The following UBR3 variants were observed in gnomAD, a reference collection of about 807,000 sequenced individuals.
UBR3 encodes the protein ubiquitin protein ligase E3 component n-recognin 3.
UBR3 carries 85 observed loss-of-function variants against 243.2 expected under a neutral mutation model. The ratio of observed to expected loss-of-function variants is 0.35; its 90% CI spans 0.29 to 0.42. The LOEUF is 0.42. Ranked by LOEUF, UBR3 falls within the 10% of genes least tolerant of loss-of-function variation. The pLI is 1.00. For missense variants in UBR3, 1,686 were observed against 2,300.8 expected (o/e 0.73, Z 5.47); for synonymous variants, 748 against 799.8 (o/e 0.94, Z 1.09).
At chr2:169,850,171 C>CTTTT (rs56133731) in intron 1 of UBR3, among the ~76,000 whole-genome samples, 4 of 57,290 alleles carry the variant, frequency 7.0e-5, no homozygotes, top group East Asian at 6.1e-4. Context: ...TGTTCTAGAG[C>CTTTT]TTTTTTTTTT....
intron 36 of UBR3, among the ~76,000 whole-genome samples, chr2:170,074,118 A>C (rs974462952): frequency 1.3e-5 from 2 of 152,170 alleles, no homozygotes; most frequent in African/African-American, 2.4e-5. Flanking sequence ...CTAGAACTAC[A>C]GTTTTTTAAA....
intron 31 of UBR3, among the ~76,000 whole-genome samples, chr2:170,031,673 C>G (rs1358756921): frequency 6.6e-6 from 1 of 151,672 alleles, no homozygotes; most frequent in East Asian, 1.9e-4. Context: ...AACCCTTGCT[C>G]CCCTCCTTCC....
At chr2:169,853,525 A>T (rs546683881) in intron 1 of UBR3, among the ~76,000 whole-genome samples, 25 of 150,376 alleles carry the variant, frequency 1.7e-4, no homozygotes, top group African/African-American at 5.9e-4. Flanking sequence ...ATCTTGGCTC[A>T]CTGCAGCCTC....
intron 8 of UBR3, 60 bp from the exon 9 acceptor site, chr2:169,905,054 T>C (rs1316516986): frequency 4.4e-5 from 60 of 1,352,920 alleles, no homozygotes; most frequent in Admixed American, 3.0e-4. Flanking sequence ...TTCTGTATTA[T>C]TGGTTAAGCT....
chr2:169,910,557 A>G (rs1183544942), intron 10 of UBR3, among the ~76,000 whole-genome samples: 1 of 152,144 alleles, frequency 6.6e-6, no homozygotes, highest in African/African-American at 2.4e-5. Flanking sequence ...TAATCTATGA[A>G]GTAAAGATAA....
At chr2:169,971,904 A>G (rs909343946) in intron 24 of UBR3, among the ~76,000 whole-genome samples, 1 of 152,210 alleles carries the variant, frequency 6.6e-6, no homozygotes, top group African/African-American at 2.4e-5. Context: ...AAGGCAAGAA[A>G]TAACTAAAAT....
intron 30 of UBR3, among the ~76,000 whole-genome samples, chr2:170,017,370 GA>G (rs2090266037): frequency 6.6e-6 from 1 of 152,018 alleles, no homozygotes; most frequent in African/African-American, 2.4e-5. Context: ...TTAAGCAAAT[GA>G]TAAGGGAACT....
chr2:169,909,741 G>GTATATATATA (rs34263331), intron 10 of UBR3, among the ~76,000 whole-genome samples: 3 of 149,528 alleles, frequency 2.0e-5, no homozygotes, highest in Admixed American at 6.7e-5. Flanking sequence ...GTGTGTGTGT[G>GTATATATATA]TATATATATA....
intron 5 of UBR3, among the ~76,000 whole-genome samples, chr2:169,890,555 A>ATG (rs1553504487): frequency 2.8e-5 from 2 of 71,442 alleles, no homozygotes; most frequent in South Asian, 6.1e-4. Flanking sequence ...ATATATATAT[A>ATG]TATATATATG....
intron 26 of UBR3, among the ~76,000 whole-genome samples, chr2:169,997,495 C>A (rs964104188): frequency 1.3e-5 from 2 of 151,986 alleles, no homozygotes; most frequent in African/African-American, 4.8e-5. Context: ...TCTGGGCCCC[C>A]AGAAGGGTCA....
intron 25 of UBR3, 101 bp downstream of exon 25, chr2:169,986,895 CT>C: frequency 7.8e-7 from 1 of 1,279,910 alleles, no homozygotes. Flanking sequence ...TCTTTGTCTA[CT>C]TATAACTAGG....
chr2:170,073,379 A>G lies in UBR3; in HGVS notation c.5020-49A>G, dbSNP rs146484709. On this transcript the variant is annotated intron_variant, in intron 35 of 38. Coordinates refer to ENST00000272793, the MANE Select transcript of UBR3 (RefSeq NM_172070.4). ...GAGGGTGACCTTTTATGTAATAGGA[A>G]ATGTTCTTGATGAAATATTTTCAGA... 346 of 1,604,188 alleles carry G rather than the reference A, an allele frequency of 2.2e-4. No homozygotes were observed. The East Asian group carries it at 5.6e-3, about 26-fold the overall frequency.
chr2:169,996,504 G>T (rs950404425), intron 26 of UBR3, among the ~76,000 whole-genome samples: 8 of 152,088 alleles, frequency 5.3e-5, no homozygotes, highest in Admixed American at 3.9e-4. Flanking sequence ...ATTTAGGAAG[G>T]CTAGGTTAGG....
chr2:169,928,889 G>A, intron 18 of UBR3, 21 bp downstream of exon 18: 1 of 1,360,708 alleles, frequency 7.3e-7, no homozygotes, highest in Non-Finnish European at 9.6e-7. Context: ...ATACATAAAT[G>A]GACTCTTTCA....
At chr2:169,955,793 C>CAAAAAAAAAAAAAAAAAAAAA (rs56238118) in intron 23 of UBR3, among the ~76,000 whole-genome samples, 3 of 78,508 alleles carry the variant, frequency 3.8e-5, no homozygotes, top group African/African-American at 1.4e-4. Context: ...GACTCCATCT[C>CAAAAAAAAAAAAAAAAAAAAA]AAAAAAAAAA....
At chr2:169,839,430 G>A (rs1042175487) in intron 1 of UBR3, among the ~76,000 whole-genome samples, 2 of 152,104 alleles carry the variant, frequency 1.3e-5, no homozygotes, top group African/African-American at 4.8e-5. Context: ...TTTGATGGAA[G>A]AAATAAGACC....
intron 1 of UBR3, among the ~76,000 whole-genome samples, chr2:169,836,667 T>TTA (rs2082123332): frequency 6.6e-6 from 1 of 151,890 alleles, no homozygotes; most frequent in Non-Finnish European, 1.5e-5. Context: ...ACACTTGGTG[T>TTA]TATATATATA....
intron 1 of UBR3, among the ~76,000 whole-genome samples, chr2:169,852,917 G>A (rs2082714062): frequency 6.8e-6 from 1 of 146,290 alleles, no homozygotes; most frequent in Non-Finnish European, 1.5e-5. Flanking sequence ...AGAGCCATAG[G>A]TTTTTATGGA....
At position 170,036,720 on chromosome 2, in the gene UBR3, A is replaced by G. The variant is rs73019555; in HGVS notation, c.4557-4162A>G. On this transcript the variant is annotated intron_variant, in intron 31 of 38. Transcript: ENST00000272793. Reference sequence around the variant, plus strand: ...CTTATTGTTTAAAATTATATGAATGATTCTCCATGGTTTAAAATATTAAAT... The same window carrying G: ...CTTATTGTTTAAAATTATATGAATGGTTCTCCATGGTTTAAAATATTAAAT... Among the ~76,000 whole-genome samples, 701 of 152,202 alleles carry G rather than the reference A, an allele frequency of 4.6e-3. 1 individual carries two copies. Among genetic ancestry groups the G allele is most frequent in the African/African-American group, 0.015 (631 of 41,552 alleles).
Sources: allele counts gnomAD v4.1 joint callset (sites outside exome capture counted in the v4.1 genomes callset), GRCh38; gene constraint gnomAD v4.1.1; transcripts MANE v1.5; gene names NCBI Gene and HGNC (gene_info 2026-07-23, HGNC 2026-07-21).